SCN8A: variants seen among roughly 807,000 people sequenced by gnomAD.
SCN8A encodes sodium channel protein type 8 subunit alpha.
SCN8A carries 30 observed loss-of-function variants against 184.1 expected under a neutral mutation model. The observed-to-expected ratio is 0.16, with a 90% CI of 0.12 to 0.22. SCN8A has a LOEUF of 0.22. Ranked by LOEUF, SCN8A falls within the 10% of genes least tolerant of loss-of-function variation. The pLI is 1.00. For synonymous variants in SCN8A, 852 were observed against 907.0 expected (o/e 0.94, Z 1.09); for missense variants, 1,057 against 2,498.9 (o/e 0.42, Z 12.30).
intron 7 of SCN8A, among the ~76,000 whole-genome samples, chr12:51,700,319 C>T (rs751596433): frequency 6.6e-6 from 1 of 152,132 alleles, no homozygotes; most frequent in Non-Finnish European, 1.5e-5. Flanking sequence ...CCCTTTTTCG[C>T]ATGTACCCCT....
At chr12:51,779,296 G>A (rs1937819625) in intron 20 of SCN8A, among the ~76,000 whole-genome samples, 1 of 151,826 alleles carries the variant, frequency 6.6e-6, no homozygotes, top group Non-Finnish European at 1.5e-5. Context: ...TTTTAGGTCT[G>A]CTCTCCCCTG....
At chr12:51,720,314 A>G (rs1219679550) in intron 11 of SCN8A, among the ~76,000 whole-genome samples, 2 of 150,762 alleles carry the variant, frequency 1.3e-5, no homozygotes, top group South Asian at 4.2e-4. Flanking sequence ...AGGGACATGG[A>G]TGAGGCTGGA....
intron 1 of SCN8A, among the ~76,000 whole-genome samples, chr12:51,623,081 A>C (rs1374269436): frequency 6.6e-6 from 1 of 151,994 alleles, no homozygotes; most frequent in Non-Finnish European, 1.5e-5. Flanking sequence ...CTACTTTTTT[A>C]GAATTAGAAG....
chr12:51,597,021 G>A (rs1281936744), intron 1 of SCN8A, among the ~76,000 whole-genome samples: 2 of 152,106 alleles, frequency 1.3e-5, no homozygotes, highest in Non-Finnish European at 2.9e-5. Flanking sequence ...AAGAAGTTCT[G>A]GGAGGACTTT....
intron 12 of SCN8A, among the ~76,000 whole-genome samples, chr12:51,726,280 G>A: frequency 6.6e-6 from 1 of 152,172 alleles, no homozygotes; most frequent in East Asian, 1.9e-4. Flanking sequence ...ATTGCCACTA[G>A]CAATCCAGAA....
In SCN8A at chr12:51,721,625, G is replaced by A. The variant is rs1085307867; in HGVS notation, c.1715G>A (p.Gly572Glu). 1 of 1,612,958 alleles carries A rather than the reference G, an allele frequency of 6.2e-7. No individual in the cohort carries two copies. Among genetic ancestry groups the A allele is most frequent in the Non-Finnish European group, 8.5e-7 (1 of 1,179,516 alleles). ...AGCATCTTCAGTTTCAGGGGACCTG[G>A]GCGGTTCCGAGACCCGGGCTCCGAG... Reference protein sequence around the residue: ...KSSIFSFRGPGRFRDPGSENE... With the variant: ...KSSIFSFRGPERFRDPGSENE... Residue 572 changes from glycine (G) to glutamate (E), a missense_variant, in exon 12 of 27, where the codon GGG (glycine) becomes GAG (glutamate). By Grantham distance (98) the Gly-to-Glu change is moderately conservative. Around this residue, in one of 19 missense-constraint regions of SCN8A, gnomAD observed 322 missense variants for 390.1 expected, o/e 0.83. Transcript: ENST00000627620.
chr12:51,758,529 C>T lies in SCN8A; in HGVS notation c.2371-3974C>T, dbSNP rs535263245. Among the ~76,000 whole-genome samples the T allele has an allele frequency of 3.3e-5, 5 of 152,276 alleles. No homozygotes were observed. In the South Asian group the frequency reaches 8.3e-4, roughly 25 times the overall value. The stretch of plus-strand genomic sequence containing the variant: ...CTCGGCTCACTGCAACCTCCGTCTC[C>T]CAGGTTCAAGCGATTCTTCTGCCTC... On this transcript the variant is annotated intron_variant, in intron 14 of 26. Coordinates refer to ENST00000627620, the MANE Select transcript of SCN8A (RefSeq NM_001330260.2).
At chr12:51,720,563 C>T (rs905377029) in intron 11 of SCN8A, among the ~76,000 whole-genome samples, 1 of 151,534 alleles carries the variant, frequency 6.6e-6, no homozygotes, top group African/African-American at 2.4e-5. Context: ...ATGTAACAAA[C>T]CTGCACATTA....
chr12:51,812,024 G>C lies in SCN8A; in HGVS notation c.*4595G>C, dbSNP rs1938918184. On this transcript the variant is annotated 3_prime_UTR_variant, in exon 27 of 27. Transcript: ENST00000627620. Reference sequence around the variant, plus strand: ...ACATCAGGAGAGAAGAGGAAGTCTGGGTTGGGAGGGGCCCAAGTTTTGCAA... The same window carrying C: ...ACATCAGGAGAGAAGAGGAAGTCTGCGTTGGGAGGGGCCCAAGTTTTGCAA... 1 of 152,216 alleles carries C rather than the reference G, an allele frequency of 6.6e-6. No homozygotes were observed. Among genetic ancestry groups the C allele is most frequent in the African/African-American group, 2.4e-5 (1 of 41,440 alleles). The allele number at this position is 152,216 out of a possible 1,614,324, so 9.4% of individuals were successfully genotyped here. A position where few individuals can be genotyped will look rare whatever the true frequency, so the allele number is the denominator to read the frequency against.
intron 26 of SCN8A, among the ~76,000 whole-genome samples, chr12:51,803,144 G>A (rs1222041799): frequency 5.9e-5 from 9 of 152,272 alleles, no homozygotes; most frequent in East Asian, 1.9e-4. Flanking sequence ...CAAAAGTAGG[G>A]AAGCTGACAG....
At chr12:51,728,642 G>C (rs1942191326) in intron 12 of SCN8A, among the ~76,000 whole-genome samples, 1 of 151,780 alleles carries the variant, frequency 6.6e-6, no homozygotes. Flanking sequence ...GGCTAAGATG[G>C]GAGGATCACT....
Position 51,688,996 on chromosome 12 carries a change from T to C in SCN8A, c.615-9T>C. The stretch of plus-strand genomic sequence containing the variant: ...CACTTGTGTCTGTGTGTGACCTCCC[T>C]TACTACAGATATGTGACAGAGTTTG... On this transcript the variant is annotated splice_polypyrimidine_tract_variant and intron_variant, in intron 5 of 26. Transcript: ENST00000627620. 6.2e-7 allele frequency: 1 copy of C among 1,612,110 alleles called. No homozygotes were observed. The highest frequency in any genetic ancestry group is 8.5e-7 in the Non-Finnish European group (1 of 1,178,268).
chr12:51,629,582 CAAA>C lies in SCN8A; in HGVS notation c.-54-33161_-54-33159del, dbSNP rs71092711. On this transcript the variant is annotated intron_variant, in intron 1 of 26. Transcript: ENST00000627620. ...GCAAGTGAATTCTGCATCAGTTTTG[CAAA>C]AAAAAAAAAAAAAAAAAAAAGTGAA... 9.6e-3 allele frequency among the ~76,000 whole-genome samples: 1,245 copies of C among 129,476 alleles called. 14 individuals carry two copies. The highest frequency in any genetic ancestry group is 0.037 in the African/African-American group (1,156 of 31,562). The allele number at this position is 129,476 out of a possible 152,430, so 84.9% of individuals were successfully genotyped here.
intron 12 of SCN8A, among the ~76,000 whole-genome samples, chr12:51,738,138 C>T (rs1942357897): frequency 2.6e-5 from 4 of 152,158 alleles, no homozygotes; most frequent in Admixed American, 2.6e-4. Flanking sequence ...GCGGTTCTTT[C>T]AAACCATGCA....
At chr12:51,618,761 T>A (rs1419620746) in intron 1 of SCN8A, among the ~76,000 whole-genome samples, 1 of 152,104 alleles carries the variant, frequency 6.6e-6, no homozygotes, top group Non-Finnish European at 1.5e-5. Flanking sequence ...GTGGTGGCTT[T>A]GAGGCAGGTT....
intron 11 of SCN8A, among the ~76,000 whole-genome samples, chr12:51,718,846 C>T (rs1461279681): frequency 6.6e-6 from 1 of 152,056 alleles, no homozygotes; most frequent in African/African-American, 2.4e-5. Flanking sequence ...GAATAACCCA[C>T]ATAATTATTA....
chr12:51,798,579 G>T (rs1351539232), intron 26 of SCN8A, among the ~76,000 whole-genome samples: 1 of 152,196 alleles, frequency 6.6e-6, no homozygotes, highest in South Asian at 2.1e-4. Context: ...GCCTTGATGA[G>T]TGGGAGTCCA....
At chr12:51,665,056 A>G (rs548982507) in intron 2 of SCN8A, among the ~76,000 whole-genome samples, 28 of 152,364 alleles carry the variant, frequency 1.8e-4, no homozygotes, top group African/African-American at 4.3e-4. Context: ...TGCAAAGGAC[A>G]TGATCTCATT....
At chr12:51,723,967 C>T (rs983082165) in intron 12 of SCN8A, among the ~76,000 whole-genome samples, 2 of 152,092 alleles carry the variant, frequency 1.3e-5, no homozygotes, top group African/African-American at 4.8e-5. Context: ...CTGATAGAGC[C>T]AGAATCTCAG....
Sources: allele counts gnomAD v4.1 joint callset (sites outside exome capture counted in the v4.1 genomes callset), GRCh38; gene constraint gnomAD v4.1.1; regional missense constraint gnomAD v4.1.1; transcripts MANE v1.5; gene names NCBI Gene and HGNC (gene_info 2026-07-23, HGNC 2026-07-21).